MLF2: variants seen among roughly 807,000 people sequenced by gnomAD.
MLF2 encodes myeloid leukemia factor 2, also known as myelodysplasia-myeloid leukemia factor 2.
MLF2 carries 12 observed loss-of-function variants against 31.4 expected under a neutral mutation model. The observed-to-expected ratio is 0.38, with a 90% confidence interval of 0.24 to 0.62. MLF2 has a LOEUF of 0.62. MLF2 is among the 20% of genes least tolerant of loss of function. The pLI, the probability that MLF2 is intolerant of heterozygous loss-of-function variation, is 0.58. For missense variants in MLF2, 272 were observed against 359.7 expected, an observed-to-expected ratio of 0.76 and a Z score of 1.97; for synonymous variants, 109 against 118.8, an observed-to-expected ratio of 0.92 and a Z score of 0.54.
At chr12:6,751,715 T>C in intron 3 of MLF2, 39 bp from the exon 4 acceptor site, 1 of 1,611,694 alleles carries the variant, frequency 6.2e-7, no homozygotes, top group African/African-American at 1.3e-5. Context: ...AGAGACCACA[T>C]CCTATCTCTT....
rs1317561927 is a variant in MLF2, at chr12:6,752,718, C to A, written c.-29+221G>T. 3 of 192,644 alleles carry A rather than the reference C, an allele frequency of 1.6e-5. No individual in the cohort carries two copies. The highest frequency in any genetic ancestry group is 3.2e-5 in the Non-Finnish European group (3 of 92,894). The allele number at this position is 192,644 out of a possible 1,614,324, so 11.9% of individuals were successfully genotyped here. On this transcript the variant is annotated intron_variant, in intron 1 of 8. Coordinates refer to ENST00000203630, the MANE Select transcript of MLF2 (RefSeq NM_001382226.1). The surrounding 1 kb of genome is among the most constrained non-coding windows in gnomAD (Gnocchi z 4.6). ...AGGTCCTCCGCCCCATTAATGACCC[C>A]AGTCACCCCGCCCCCTCCTTACACT...
chr12:6,750,327 G>A lies in MLF2; in HGVS notation c.271-22C>T. The A allele has an allele frequency of 6.2e-7, 1 of 1,612,062 alleles. No individual in the cohort carries two copies. The highest frequency in any genetic ancestry group is 8.5e-7 in the Non-Finnish European group (1 of 1,178,792). On this transcript the variant is annotated intron_variant, in intron 5 of 8. Coordinates refer to ENST00000203630, the MANE Select transcript of MLF2 (RefSeq NM_001382226.1). The surrounding 1 kb of genome is among the most constrained non-coding windows in gnomAD (Gnocchi z 5.3). ...GTTCCTGAGGACAGGGTAGGTAGGG[G>A]AGGGCTGAATGGGGAGGCATCACCC...
At position 6,752,424 on chromosome 12, in the gene MLF2, G is replaced by A; in HGVS notation, c.-28-62C>T. The A allele has an allele frequency of 2.1e-5, 28 of 1,345,750 alleles. 1 individual carries two copies. In the South Asian group the frequency reaches 3.6e-4, roughly 17 times the overall value. The allele number at this position is 1,345,750 out of a possible 1,614,324, so 83.4% of individuals were successfully genotyped here. ...CCAGGGTTTTGCACACCCACTCAGT[G>A]TGGGGACTCTCAGAGCACTGTCCTT... On this transcript the variant is annotated intron_variant, in intron 1 of 8. Coordinates refer to ENST00000203630, the MANE Select transcript of MLF2 (RefSeq NM_001382226.1). The surrounding 1 kb of genome is among the most constrained non-coding windows in gnomAD (Gnocchi z 4.6).
rs1683003360 is a variant in MLF2 at position 6,752,763 on chromosome 12, C to T, written c.-29+176G>A. On this transcript the variant is annotated intron_variant, in intron 1 of 8. Coordinates refer to ENST00000203630, the MANE Select transcript of MLF2 (RefSeq NM_001382226.1). This position sits in a 1 kb window ranked among gnomAD's most constrained non-coding sequence, Gnocchi z 4.6. Reference sequence around the variant, plus strand: ...TACACTCAGGCCTCCCCCAGGCGGGCCTCACTAAGCCCCCCGCGCCTGTCT... The same window carrying T: ...TACACTCAGGCCTCCCCCAGGCGGGTCTCACTAAGCCCCCCGCGCCTGTCT... The T allele has an allele frequency of 2.3e-5, 4 of 171,350 alleles. No homozygotes were observed. In the South Asian group the frequency reaches 5.9e-4, roughly 25 times the overall value. 10.6% of individuals were successfully genotyped at this position (171,350 alleles called of 1,614,324 possible).
rs535149325 is a variant in MLF2 at position 6,748,690 on chromosome 12, G to C, written c.*25+80C>G. On this transcript the variant is annotated intron_variant, in intron 8 of 8. Transcript: ENST00000203630. This position sits in a 1 kb window ranked among gnomAD's most constrained non-coding sequence, Gnocchi z 4.6. ...ACTTGTACTACCAAAGGCAGCTCCT[G>C]CGGGAGCCTGAACTGAGCCTGCCTT... 2.2e-5 allele frequency: 25 copies of C among 1,117,272 alleles called. No homozygotes were observed. Among genetic ancestry groups the C allele is most frequent in the Non-Finnish European group, 2.7e-5 (22 of 805,096 alleles). The allele number at this position is 1,117,272 out of a possible 1,614,324, so 69.2% of individuals were successfully genotyped here.
rs1592484286 is a variant in MLF2, at chr12:6,750,525, G to A, written c.270+188C>T. 1.1e-6 allele frequency: 1 copy of A among 887,474 alleles called. No homozygotes were observed. Among genetic ancestry groups the A allele is most frequent in the Non-Finnish European group, 1.7e-6 (1 of 579,306 alleles). 55.0% of individuals were successfully genotyped at this position (887,474 alleles called of 1,614,324 possible). ...GGCCTTAATTGTATGCTACGTAAGA[G>A]AGCTGCTGCCGGCTGCTTCAGGCAG... On this transcript the variant is annotated intron_variant, in intron 5 of 8. Coordinates refer to ENST00000203630, the MANE Select transcript of MLF2 (RefSeq NM_001382226.1). This position sits in a 1 kb window ranked among gnomAD's most constrained non-coding sequence, Gnocchi z 5.3.
rs1199591862 is a variant in MLF2, at chr12:6,750,445, AC to A, written c.271-141del. ...TGAAAAAACATCAGGCCTCATCATT[AC>A]CCTCCCAAATTCCTCTGAGTCCAAC... On this transcript the variant is annotated intron_variant, in intron 5 of 8. Transcript: ENST00000203630. The surrounding 1 kb of genome is among the most constrained non-coding windows in gnomAD (Gnocchi z 5.3). The A allele has an allele frequency of 8.3e-7, 1 of 1,201,358 alleles. No individual in the cohort carries two copies. The highest frequency in any genetic ancestry group is 1.2e-6 in the Non-Finnish European group (1 of 866,774). 74.4% of individuals were successfully genotyped at this position (1,201,358 alleles called of 1,614,324 possible).
rs1017609698 is a variant in MLF2 at position 6,752,408 on chromosome 12, T to C, written c.-28-46A>G. The C allele has an allele frequency of 6.8e-7, 1 of 1,467,890 alleles. No homozygotes were observed. Among genetic ancestry groups the C allele is most frequent in the Non-Finnish European group, 9.3e-7 (1 of 1,072,742 alleles). The allele number at this position is 1,467,890 out of a possible 1,614,324, so 90.9% of individuals were successfully genotyped here. On this transcript the variant is annotated intron_variant, in intron 1 of 8. Coordinates refer to ENST00000203630, the MANE Select transcript of MLF2 (RefSeq NM_001382226.1). This position sits in a 1 kb window ranked among gnomAD's most constrained non-coding sequence, Gnocchi z 4.6. ...AGATACTTGGAGGTGGCCAGGGTTT[T>C]GCACACCCACTCAGTGTGGGGACTC... is the stretch of plus-strand genomic sequence containing the variant.
In MLF2 at chr12:6,752,682, A is replaced by C; in HGVS notation, c.-29+257T>G. 1 of 230,834 alleles carries C rather than the reference A, an allele frequency of 4.3e-6. No individual in the cohort carries two copies. Among genetic ancestry groups the C allele is most frequent in the East Asian group, 1.0e-4 (1 of 10,016 alleles). The allele number at this position is 230,834 out of a possible 1,614,324, so 14.3% of individuals were successfully genotyped here. ...GCCGACGACACCGTTCTAGATGAGAATGCCAAGTGCAGGTCCTCCGCCCCA... is the reference window on the plus strand; with the variant it reads ...GCCGACGACACCGTTCTAGATGAGACTGCCAAGTGCAGGTCCTCCGCCCCA... On this transcript the variant is annotated intron_variant, in intron 1 of 8. Transcript: ENST00000203630. The surrounding 1 kb of genome is among the most constrained non-coding windows in gnomAD (Gnocchi z 4.6).
chr12:6,750,773 G>A lies in MLF2; in HGVS notation c.217-7C>T, dbSNP rs760461892. ...TGTCCATGAAACCACCCGACTGGAG[G>A]AAAGAGATGGAAAACAGAGTCAGGA... On this transcript the variant is annotated splice_polypyrimidine_tract_variant and splice_region_variant and intron_variant, in intron 4 of 8. Transcript: ENST00000203630. This position sits in a 1 kb window ranked among gnomAD's most constrained non-coding sequence, Gnocchi z 5.3. The A allele has an allele frequency of 2.3e-5, 37 of 1,613,584 alleles. No individual in the cohort carries two copies. The highest frequency in any genetic ancestry group is 3.1e-5 in the Non-Finnish European group (36 of 1,179,706).
rs750197073 is a variant in MLF2, at chr12:6,749,723, C to CAAAAA, written c.559+120_559+124dup. 2.4e-4 allele frequency: 262 copies of CAAAAA among 1,082,336 alleles called. No homozygotes were observed. The highest frequency in any genetic ancestry group is 2.9e-4 in the Non-Finnish European group (224 of 783,948). 67.0% of individuals were successfully genotyped at this position (1,082,336 alleles called of 1,614,324 possible). Reference sequence around the variant, plus strand: ...GGGCAACAAGAGCGAGACTCCATCTCAAAAAAAAAAAAAAAGGAATATGGG... The same window carrying CAAAAA: ...GGGCAACAAGAGCGAGACTCCATCTCAAAAAAAAAAAAAAAAAAAAGGAATATGGG... On this transcript the variant is annotated intron_variant, in intron 7 of 8. Transcript: ENST00000203630. The surrounding 1 kb of genome is among the most constrained non-coding windows in gnomAD (Gnocchi z 5.3).
Position 6,749,887 on chromosome 12 carries a change from C to G in MLF2, c.520G>C (p.Asp174His), listed in dbSNP as rs1391392432. 1 of 1,614,092 alleles carries G rather than the reference C, an allele frequency of 6.2e-7. No homozygotes were observed. Among genetic ancestry groups the G allele is most frequent in the Non-Finnish European group, 8.5e-7 (1 of 1,180,050 alleles). ...ATATAGTCCTGCCGCTCCTCCTGGTCCCCCGTGCGATGGTTTCGGGAGCGC... is the reference window on the plus strand; with the variant it reads ...ATATAGTCCTGCCGCTCCTCCTGGTGCCCCGTGCGATGGTTTCGGGAGCGC... The part of the protein sequence containing the change: ...LQRSRNHRTG[D>H]QEERQDYINL... Residue 174 changes from aspartate to histidine, a missense_variant, in exon 7 of 9, where the codon GAC (aspartate) becomes CAC (histidine). Asp to His is a moderately conservative substitution (Grantham distance 81). Coordinates refer to ENST00000203630, the MANE Select transcript of MLF2 (RefSeq NM_001382226.1). This position sits in a 1 kb window ranked among gnomAD's most constrained non-coding sequence, Gnocchi z 5.3.
In MLF2 at chr12:6,752,173, G is replaced by A; in HGVS notation, c.50+112C>T. ...ACCGATGCCTACTTCCTGCTAGGTA[G>A]GAGCTAGGTATCCAGCCAGTTCCAA... is the stretch of plus-strand genomic sequence containing the variant. On this transcript the variant is annotated intron_variant, in intron 2 of 8. Transcript: ENST00000203630. This position sits in a 1 kb window ranked among gnomAD's most constrained non-coding sequence, Gnocchi z 4.6. 6.4e-7 allele frequency: 1 copy of A among 1,551,030 alleles called. No homozygotes were observed. Among genetic ancestry groups the A allele is most frequent in the Non-Finnish European group, 8.8e-7 (1 of 1,139,176 alleles).
rs757581353 is a variant in MLF2, at chr12:6,748,722, G to A, written c.*25+48C>T. The A allele has an allele frequency of 1.1e-5, 16 of 1,393,334 alleles. No homozygotes were observed. Among genetic ancestry groups the A allele is most frequent in the South Asian group, 1.1e-4 (7 of 61,914 alleles). The allele number at this position is 1,393,334 out of a possible 1,614,324, so 86.3% of individuals were successfully genotyped here. The stretch of plus-strand genomic sequence containing the variant: ...CCTGAACTGAGCCTGCCTTGCAGCC[G>A]AGGACCGTCCGCAGGTGCACCCCAC... On this transcript the variant is annotated intron_variant, in intron 8 of 8. Coordinates refer to ENST00000203630, the MANE Select transcript of MLF2 (RefSeq NM_001382226.1). The surrounding 1 kb of genome is among the most constrained non-coding windows in gnomAD (Gnocchi z 4.6).
chr12:6,748,158 G>C lies in MLF2; in HGVS notation c.*415C>G, dbSNP rs1941553922. On this transcript the variant is annotated 3_prime_UTR_variant, in exon 9 of 9. Coordinates refer to ENST00000203630, the MANE Select transcript of MLF2 (RefSeq NM_001382226.1). This position sits in a 1 kb window ranked among gnomAD's most constrained non-coding sequence, Gnocchi z 4.6. ...TGCTCCTTCCACAGCCCTAGATAGG[G>C]CTACGGCCCCTCAGTGGGGGCTCTG... is the stretch of plus-strand genomic sequence containing the variant. The C allele has an allele frequency of 6.6e-6, 1 of 152,330 alleles. No individual in the cohort carries two copies. Among genetic ancestry groups the C allele is most frequent in the Admixed American group, 6.5e-5 (1 of 15,280 alleles). 9.4% of individuals were successfully genotyped at this position (152,330 alleles called of 1,614,324 possible).
intron 4 of MLF2, 39 bp downstream of exon 4, chr12:6,751,602 G>A: frequency 1.9e-6 from 3 of 1,598,448 alleles, no homozygotes; most frequent in Non-Finnish European, 8.6e-7. Context: ...GGTAGAGAGT[G>A]TGTCTGAGAT....
chr12:6,751,883 C>A (rs757675945), intron 3 of MLF2, 42 bp downstream of exon 3: 1 of 1,610,618 alleles, frequency 6.2e-7, no homozygotes, highest in Non-Finnish European at 8.5e-7. Context: ...TAACTAACCT[C>A]CAACCTTTCT....
Position 6,750,675 on chromosome 12 carries a change from G to C in MLF2, c.270+38C>G. The C allele has an allele frequency of 1.2e-6, 2 of 1,602,600 alleles. No homozygotes were observed. The highest frequency in any genetic ancestry group is 1.7e-6 in the Non-Finnish European group (2 of 1,169,672). The stretch of plus-strand genomic sequence containing the variant: ...ATGCAAGGTGTTGTCAGCCATCACT[G>C]AGAGCAAGGCCGGGGAAGGGTATGG... On this transcript the variant is annotated intron_variant, in intron 5 of 8. Coordinates refer to ENST00000203630, the MANE Select transcript of MLF2 (RefSeq NM_001382226.1). The surrounding 1 kb of genome is among the most constrained non-coding windows in gnomAD (Gnocchi z 5.3).
At position 6,750,482 on chromosome 12, in the gene MLF2, A is replaced by G. The variant is rs1941597397; in HGVS notation, c.271-177T>C. On this transcript the variant is annotated intron_variant, in intron 5 of 8. Transcript: ENST00000203630. The surrounding 1 kb of genome is among the most constrained non-coding windows in gnomAD (Gnocchi z 5.3). ...TCCTCTGAGTCCAACCACGAGCAAG[A>G]AGGACCTGAAGAGACAGGGCCTTAA... 1.1e-6 allele frequency: 1 copy of G among 942,250 alleles called. No individual in the cohort carries two copies. Among genetic ancestry groups the G allele is most frequent in the Non-Finnish European group, 1.6e-6 (1 of 638,786 alleles). The allele number at this position is 942,250 out of a possible 1,614,324, so 58.4% of individuals were successfully genotyped here.
Sources: gnomAD v4.1 joint callset for allele counts on GRCh38, gnomAD v4.1.1 for gene constraint, Gnocchi (gnomAD v3.1) non-coding constraint, MANE v1.5 for transcripts, NCBI Gene and HGNC (gene_info 2026-07-23, HGNC 2026-07-21) for gene names.